Variants in CCDC30 observed in about 807,000 individuals in gnomAD.
CCDC30 encodes coiled-coil domain-containing protein 30.
In CCDC30, 70 loss-of-function variants were observed where a neutral mutation model predicts 100.2. The observed-to-expected ratio is 0.70, with a 90% CI of 0.58 to 0.85. The LOEUF (loss-of-function observed/expected upper bound fraction) is 0.85, where lower values mean the gene tolerates loss of function less well. Ranked by LOEUF, CCDC30 falls within the 40% of genes least tolerant of loss-of-function variation. The pLI is 0.00. For synonymous variants in CCDC30, 233 were observed against 269.5 expected, an observed-to-expected ratio of 0.86 and a Z score of 1.33; for missense variants, 652 against 771.2, an observed-to-expected ratio of 0.85 and a Z score of 1.83.
chr1:42,459,490 A>C (rs141956756), upstream of CCDC30: 252 of 933,226 alleles, frequency 2.7e-4, 1 homozygote, highest in East Asian at 6.0e-3. Context: ...TTTAACTGAA[A>C]AGTTTGATGG....
intron 10 of CCDC30, chr1:42,590,913 C>T (rs1646174343): frequency 6.6e-6 from 1 of 152,124 alleles, no homozygotes. Context: ...GCAAAGAACT[C>T]CTGCATTGTG....
chr1:42,628,984 G>T (rs1646983658), intron 11 of CCDC30, among the ~76,000 whole-genome samples: 1 of 152,008 alleles, frequency 6.6e-6, no homozygotes, highest in Non-Finnish European at 1.5e-5. Flanking sequence ...ATATCTTATT[G>T]TACTATGTCT....
chr1:42,609,543 A>C (rs6656946), intron 10 of CCDC30, among the ~76,000 whole-genome samples: 6,455 of 152,220 alleles, frequency 0.042, 441 homozygotes, highest in African/African-American at 0.14. Context: ...TACATTCCTG[A>C]ATATAGTCCT....
intron 1 of CCDC30, chr1:42,473,122 G>A: frequency 1.9e-5 from 23 of 1,227,726 alleles, no homozygotes; most frequent in Non-Finnish European, 2.2e-5. Flanking sequence ...TTCTATCAAG[G>A]GAAAAGTTCA....
chr1:42,551,919 C>T (rs1263717862), intron 6 of CCDC30, among the ~76,000 whole-genome samples: 1 of 152,032 alleles, frequency 6.6e-6, no homozygotes, highest in Non-Finnish European at 1.5e-5. Flanking sequence ...CATGCCACCA[C>T]ATCCAGCTAA....
intron 1 of CCDC30, among the ~76,000 whole-genome samples, chr1:42,474,089 C>T (rs1643849113): frequency 6.6e-6 from 1 of 152,160 alleles, no homozygotes; most frequent in African/African-American, 2.4e-5. Context: ...TATGTTTTCA[C>T]ATCTCAGCTT....
intron 10 of CCDC30, among the ~76,000 whole-genome samples, chr1:42,599,636 A>G (rs1646362207): frequency 6.6e-6 from 1 of 152,240 alleles, no homozygotes; most frequent in Non-Finnish European, 1.5e-5. Flanking sequence ...AAGTTGAACA[A>G]AACCCAACTA....
intron 6 of CCDC30, among the ~76,000 whole-genome samples, chr1:42,523,263 G>A (rs1644675433): frequency 6.6e-6 from 1 of 152,138 alleles, no homozygotes; most frequent in African/African-American, 2.4e-5. Context: ...TTGAATAGCA[G>A]GTATAACGTA....
chr1:42,539,399 T>A, intron 6 of CCDC30, 89 bp downstream of exon 8: 3 of 1,225,942 alleles, frequency 2.4e-6, no homozygotes, highest in Non-Finnish European at 3.4e-6. Context: ...AAGCAACAGA[T>A]GATTTGGGAA....
chr1:42,485,796 T>C (rs1341107058), intron 3 of CCDC30, among the ~76,000 whole-genome samples: 1 of 152,230 alleles, frequency 6.6e-6, no homozygotes, highest in African/African-American at 2.4e-5. Context: ...ATTAACTTGA[T>C]TTAATCACCC....
chr1:42,486,509 G>A (rs944914873), intron 3 of CCDC30, among the ~76,000 whole-genome samples: 1 of 152,124 alleles, frequency 6.6e-6, no homozygotes, highest in African/African-American at 2.4e-5. Context: ...TGTGTGACCA[G>A]CCCTCAACAA....
chr1:42,524,464 C>A (rs939149673), intron 6 of CCDC30, among the ~76,000 whole-genome samples: 1 of 152,056 alleles, frequency 6.6e-6, no homozygotes, highest in African/African-American at 2.4e-5. Context: ...GGATGCTAGC[C>A]CTTTGAATCT....
intron 3 of CCDC30, among the ~76,000 whole-genome samples, chr1:42,488,407 G>A (rs1288452132): frequency 6.6e-6 from 1 of 152,034 alleles, no homozygotes; most frequent in Non-Finnish European, 1.5e-5. Context: ...CTGAGTTCCT[G>A]GGTTCAAGTG....
chr1:42,606,311 C>T (rs1255138535), intron 10 of CCDC30, among the ~76,000 whole-genome samples: 1 of 152,196 alleles, frequency 6.6e-6, no homozygotes, highest in African/African-American at 2.4e-5. Flanking sequence ...CAGATTCTCA[C>T]TCTGTTGCCG....
At chr1:42,470,368 C>A (rs1301558616) in intron 1 of CCDC30, among the ~76,000 whole-genome samples, 1 of 151,232 alleles carries the variant, frequency 6.6e-6, no homozygotes, top group Admixed American at 6.6e-5. Context: ...CTGGTAGGAA[C>A]GTAAAATGGT....
At chr1:42,560,654 C>A (rs1645468543) in intron 6 of CCDC30, among the ~76,000 whole-genome samples, 2 of 151,998 alleles carry the variant, frequency 1.3e-5, no homozygotes, top group South Asian at 4.2e-4. Flanking sequence ...AGGTGTGAGC[C>A]ACTGCACCCG....
rs566953725 is a variant in CCDC30 at position 42,621,677 on chromosome 1, A to AT, written c.1277+10594dup. On this transcript the variant is annotated intron_variant, in intron 11 of 16. Coordinates refer to ENST00000668663, the Ensembl canonical transcript of CCDC30. ...CAGGCGCCTGCCACCACGCAGGCTA[A>AT]TTTTTTTGTATTTTTAATAGAGACA... 5.7e-3 allele frequency among the ~76,000 whole-genome samples: 859 copies of AT among 151,710 alleles called. 8 individuals are homozygous for AT. The highest frequency in any genetic ancestry group is 0.02 in the African/African-American group (814 of 41,308).
chr1:42,570,156 A>T (rs545152909), intron 7 of CCDC30, among the ~76,000 whole-genome samples: 1 of 152,156 alleles, frequency 6.6e-6, no homozygotes, highest in African/African-American at 2.4e-5. Context: ...TTATTTAAAA[A>T]TTTAAAAATA....
At chr1:42,473,038 A>G in intron 1 of CCDC30, 1 of 1,186,752 alleles carries the variant, frequency 8.4e-7, no homozygotes, top group East Asian at 3.3e-5. Context: ...TAAGGAGACT[A>G]AGGTGGCACC....
Sources: allele counts gnomAD v4.1 joint callset (sites outside exome capture counted in the v4.1 genomes callset), GRCh38; gene constraint gnomAD v4.1.1; transcripts MANE v1.5; gene names NCBI Gene and HGNC (gene_info 2026-07-23, HGNC 2026-07-21).